MPDZ: variants seen among roughly 807,000 people sequenced by gnomAD.
MPDZ encodes multiple PDZ domain crumbs cell polarity complex component.
Under a neutral mutation model 239.1 loss-of-function variants are expected in MPDZ, and 234 were observed. The ratio of observed to expected loss-of-function variants is 0.98; its 90% CI spans 0.88 to 1.09. MPDZ has a LOEUF of 1.09. Among genes scored for constraint, MPDZ ranks in the 50% least tolerant of loss-of-function variants. The pLI, the probability that MPDZ is intolerant of heterozygous loss-of-function variation, is 0.00. For synonymous variants in MPDZ, 1,048 were observed against 881.3 expected (o/e 1.19, Z -3.35); for missense variants, 3,175 against 2,510.0 (o/e 1.26, Z -5.66).
At chr9:13,253,697 TTTTC>T (rs1283263550) in intron 1 of MPDZ, among the ~76,000 whole-genome samples, 1 of 152,256 alleles carries the variant, frequency 6.6e-6, no homozygotes, top group East Asian at 1.9e-4. Flanking sequence ...TTCTGAGGAA[TTTTC>T]TTTCTTTTTT....
At chr9:13,130,978 C>A (rs1199396306) in intron 32 of MPDZ, among the ~76,000 whole-genome samples, 1 of 152,140 alleles carries the variant, frequency 6.6e-6, no homozygotes, top group African/African-American at 2.4e-5. Flanking sequence ...GTTATGGGAA[C>A]AGTTCAAAGT....
intron 1 of MPDZ, among the ~76,000 whole-genome samples, chr9:13,261,162 C>G (rs552420592): frequency 3.3e-5 from 5 of 152,174 alleles, no homozygotes; most frequent in Middle Eastern, 3.4e-3. Flanking sequence ...GATGAAGAAG[C>G]TAAAATGGGG....
At chr9:13,236,247 G>T (rs11792383) in intron 3 of MPDZ, among the ~76,000 whole-genome samples, 2 of 17,122 alleles carry the variant, frequency 1.2e-4, no homozygotes, top group South Asian at 2.8e-3. Context: ...GTGTGTGTGT[G>T]TGTATATATA....
intron 38 of MPDZ, chr9:13,120,288 A>G (rs1944142367): frequency 6.6e-6 from 1 of 152,310 alleles, no homozygotes; most frequent in Non-Finnish European, 1.5e-5. Context: ...ATACGAAGAT[A>G]ACCATAAATA....
chr9:13,122,967 T>C (rs1274917023), intron 36 of MPDZ, among the ~76,000 whole-genome samples, 186 bp downstream of exon 36: 1 of 152,226 alleles, frequency 6.6e-6, no homozygotes, highest in East Asian at 1.9e-4. Context: ...CAATATTTAT[T>C]GGCTTACTCA....
intron 10 of MPDZ, among the ~76,000 whole-genome samples, chr9:13,213,354 A>G (rs539320931): frequency 6.6e-6 from 1 of 152,190 alleles, no homozygotes; most frequent in African/African-American, 2.4e-5. Flanking sequence ...AAGTTACAAA[A>G]TAACTCTTCA....
At chr9:13,123,850 G>A (rs1350041254) in intron 35 of MPDZ, among the ~76,000 whole-genome samples, 1 of 152,072 alleles carries the variant, frequency 6.6e-6, no homozygotes, top group East Asian at 1.9e-4. Flanking sequence ...AATCAATTCT[G>A]AGCAAAAATG....
intron 1 of MPDZ, among the ~76,000 whole-genome samples, chr9:13,260,018 T>C (rs1189545384): frequency 6.6e-6 from 1 of 151,464 alleles, no homozygotes; most frequent in African/African-American, 2.4e-5. Flanking sequence ...TTTTTTGTAA[T>C]TTTAGTAGAG....
At chr9:13,162,828 G>T in intron 22 of MPDZ, 33 bp from the exon 23 acceptor site, 2 of 1,458,180 alleles carry the variant, frequency 1.4e-6, no homozygotes, top group Non-Finnish European at 1.9e-6. Context: ...GAAGTGAAGG[G>T]AAATAATATT....
At position 13,138,055 on chromosome 9, in the gene MPDZ, T is replaced by C. The variant is rs757976556; in HGVS notation, c.4102A>G (p.Lys1368Glu). Residue 1368 changes from lysine to glutamate, a missense_variant, in exon 29 of 47, where the codon AAA becomes GAA. Physicochemically the swap from Lys to Glu is moderately conservative, Grantham distance 56. Transcript: ENST00000319217. ...AAGACACTCATCCTGGATCGGTCTT[T>C]GTTCCCAGCAAGACTTAGGCCCAAA... The part of the protein sequence containing the change: ...SGLGLSLAGN[K>E]DRSRMSVFIV... The C allele has an allele frequency of 9.3e-6, 15 of 1,613,750 alleles. No homozygotes were observed. The highest frequency in any genetic ancestry group is 3.3e-5 in the Admixed American group (2 of 60,006).
chr9:13,236,686 C>T (rs1964129500), intron 3 of MPDZ, among the ~76,000 whole-genome samples: 1 of 151,888 alleles, frequency 6.6e-6, no homozygotes, highest in African/African-American at 2.4e-5. Flanking sequence ...ACTCCCACTT[C>T]CCCAAATTTC....
chr9:13,175,707 C>A, intron 21 of MPDZ, 45 bp downstream of exon 21: 1 of 1,493,820 alleles, frequency 6.7e-7, no homozygotes, highest in South Asian at 1.2e-5. Context: ...TTCCCCTTGT[C>A]AAGGGGGTTG....
intron 1 of MPDZ, among the ~76,000 whole-genome samples, chr9:13,271,087 CCTGA>C (rs1397648106): frequency 6.6e-6 from 1 of 152,118 alleles, no homozygotes; most frequent in Admixed American, 6.5e-5. Context: ...TCAATAATCT[CCTGA>C]CTTTTTACTT....
intron 5 of MPDZ, among the ~76,000 whole-genome samples, chr9:13,222,689 C>G (rs1414110272): frequency 6.6e-6 from 1 of 152,078 alleles, no homozygotes; most frequent in Non-Finnish European, 1.5e-5. Flanking sequence ...TTTATTTCAG[C>G]TACCTACTCA....
chr9:13,138,302 C>T (rs1469927654), intron 28 of MPDZ, 149 bp from the exon 29 acceptor site: 6 of 901,948 alleles, frequency 6.7e-6, no homozygotes, highest in Middle Eastern at 6.8e-4. Context: ...AGACTAGGCA[C>T]TTGGGCATCA....
intron 22 of MPDZ, among the ~76,000 whole-genome samples, chr9:13,165,129 T>C (rs1950916974): frequency 6.6e-6 from 1 of 152,150 alleles, no homozygotes; most frequent in South Asian, 2.1e-4. Context: ...GCTTCATAAT[T>C]GGAAAATATG....
At chr9:13,114,689 C>T (rs1189195240) in intron 40 of MPDZ, among the ~76,000 whole-genome samples, 1 of 152,104 alleles carries the variant, frequency 6.6e-6, no homozygotes, top group African/African-American at 2.4e-5. Flanking sequence ...ATCACGAGGT[C>T]AGGCGTTTGA....
intron 32 of MPDZ, among the ~76,000 whole-genome samples, chr9:13,129,968 G>A (rs1343848528): frequency 6.6e-6 from 1 of 152,146 alleles, no homozygotes; most frequent in African/African-American, 2.4e-5. Context: ...GAATTATTTT[G>A]AAGGTAGAAA....
intron 3 of MPDZ, 101 bp from the exon 4 acceptor site, chr9:13,224,684 T>C: frequency 2.5e-6 from 2 of 790,070 alleles, no homozygotes; most frequent in Non-Finnish European, 3.9e-6. Flanking sequence ...AATTTCAAAA[T>C]GTCCAAATCC....
Sources: gnomAD v4.1 joint callset for allele counts (sites outside exome capture counted in the v4.1 genomes callset) on GRCh38, gnomAD v4.1.1 for gene constraint, MANE v1.5 for transcripts, NCBI Gene and HGNC (gene_info 2026-07-23, HGNC 2026-07-21) for gene names.